GABBR2: variants seen among roughly 807,000 people sequenced by gnomAD.
GABBR2 encodes G-protein coupled receptor 51.
In GABBR2, 23 loss-of-function variants were observed where a neutral mutation model predicts 105.6. That is an observed-to-expected ratio of 0.22 (90% CI 0.16 to 0.31). The LOEUF is 0.31. GABBR2 is among the 10% of genes least tolerant of loss of function. The pLI, the probability that GABBR2 is intolerant of heterozygous loss-of-function variation, is 1.00. For synonymous variants in GABBR2, 478 were observed against 499.7 expected (o/e 0.96, Z 0.58); for missense variants, 734 against 1,245.5 (o/e 0.59, Z 6.18).
chr9:98,411,559 A>ATTTTTT (rs11435821), intron 7 of GABBR2, among the ~76,000 whole-genome samples: 1 of 149,638 alleles, frequency 6.7e-6, no homozygotes, highest in Non-Finnish European at 1.5e-5. Context: ...GTAAAATCCC[A>ATTTTTT]TTTTTTTTTT....
At chr9:98,390,377 A>C (rs1171666118) in intron 9 of GABBR2, among the ~76,000 whole-genome samples, 2 of 114,420 alleles carry the variant, frequency 1.7e-5, no homozygotes, top group African/African-American at 3.6e-5. Context: ...CCATCTCACA[A>C]AAAAAAAAAA....
chr9:98,499,937 C>T (rs529886292), intron 3 of GABBR2, among the ~76,000 whole-genome samples: 1 of 152,210 alleles, frequency 6.6e-6, no homozygotes, highest in Non-Finnish European at 1.5e-5. Flanking sequence ...CCTGTAATCC[C>T]AGCTACTTGG....
intron 2 of GABBR2, among the ~76,000 whole-genome samples, chr9:98,571,574 A>G (rs1828830725): frequency 6.6e-6 from 1 of 152,120 alleles, no homozygotes; most frequent in South Asian, 2.1e-4. Context: ...GATCTGATAA[A>G]TCCCCTAACC....
At chr9:98,498,195 CAGAG>C (rs1341841925) in intron 3 of GABBR2, among the ~76,000 whole-genome samples, 1 of 135,832 alleles carries the variant, frequency 7.4e-6, no homozygotes, top group Admixed American at 8.8e-5. Context: ...TTTATAGAGA[CAGAG>C]AGTAGAATGG....
Position 98,303,409 on chromosome 9 carries a change from T to G in GABBR2, c.2244A>C (p.Arg748Ser), listed in dbSNP as rs754393016. The G allele has an allele frequency of 6.2e-7, 1 of 1,614,150 alleles. No individual in the cohort carries two copies. Among genetic ancestry groups the G allele is most frequent in the Non-Finnish European group, 8.5e-7 (1 of 1,179,974 alleles). Residue 748 changes from arginine (R) to serine (S), a missense_variant, in exon 16 of 19, where the codon AGA (arginine) becomes AGC (serine). Transcript: ENST00000259455. Reference sequence around the variant, plus strand: ...TCTGCGTTGCTGCATCTGGGTTTGTTCTCAGGGTGATGAGCTGAAAGGACA... The same window carrying G: ...TCTGCGTTGCTGCATCTGGGTTTGTGCTCAGGGTGATGAGCTGAAAGGACA... ...LVFVPKLITL[R>S]TNPDAATQNR... is the part of the protein sequence containing the mutation.
rs550677987 is a variant in GABBR2 at position 98,680,279 on chromosome 9, T to G, written c.321+28138A>C. The stretch of plus-strand genomic sequence containing the variant: ...GTTCACCAAATTCCAACCAAAATAC[T>G]AATTCTATTATTATCATTTTATTTA... On this transcript the variant is annotated intron_variant, in intron 1 of 18. Transcript: ENST00000259455. Among the ~76,000 whole-genome samples, 468 of 152,238 alleles carry G rather than the reference T, an allele frequency of 3.1e-3. 1 individual carries two copies. The highest frequency in any genetic ancestry group is 5.6e-3 in the Non-Finnish European group (380 of 68,014).
chr9:98,360,032 C>T (rs642771), intron 13 of GABBR2, among the ~76,000 whole-genome samples: 132,243 of 152,194 alleles, frequency 0.87, 57,880 homozygotes, highest in African/African-American at 0.96. Flanking sequence ...GGCTAGGACG[C>T]GTACCATATT....
intron 13 of GABBR2, among the ~76,000 whole-genome samples, chr9:98,337,266 A>C (rs4743207): frequency 6.6e-6 from 1 of 151,824 alleles, no homozygotes. Flanking sequence ...GATTGCACCA[A>C]TGCACTCCCG....
At chr9:98,427,374 A>C (rs1825716090) in intron 7 of GABBR2, among the ~76,000 whole-genome samples, 1 of 152,172 alleles carries the variant, frequency 6.6e-6, no homozygotes, top group Non-Finnish European at 1.5e-5. Flanking sequence ...TTCAAGAGTC[A>C]CAGTTTCTTA....
At chr9:98,506,374 T>C (rs988546192) in intron 3 of GABBR2, among the ~76,000 whole-genome samples, 1 of 152,208 alleles carries the variant, frequency 6.6e-6, no homozygotes, top group Admixed American at 6.5e-5. Flanking sequence ...GTGCTCAGAA[T>C]TGTGGTGAAT....
At chr9:98,412,277 T>A (rs1832604619) in intron 7 of GABBR2, among the ~76,000 whole-genome samples, 1 of 152,218 alleles carries the variant, frequency 6.6e-6, no homozygotes, top group Non-Finnish European at 1.5e-5. Flanking sequence ...AGCCTAATAT[T>A]CTGGAGCCCT....
At chr9:98,656,582 C>A (rs572331227) in intron 1 of GABBR2, among the ~76,000 whole-genome samples, 1 of 152,310 alleles carries the variant, frequency 6.6e-6, no homozygotes, top group Non-Finnish European at 1.5e-5. Context: ...CATTATAACA[C>A]CCAAATTATT....
intron 11 of GABBR2, among the ~76,000 whole-genome samples, chr9:98,372,385 C>T (rs1263977549): frequency 6.6e-6 from 1 of 152,230 alleles, no homozygotes; most frequent in Admixed American, 6.5e-5. Context: ...GGGCTGTGCA[C>T]CACTGAGTTC....
intron 3 of GABBR2, among the ~76,000 whole-genome samples, chr9:98,537,745 A>C (rs1164282976): frequency 6.6e-6 from 1 of 152,202 alleles, no homozygotes; most frequent in African/African-American, 2.4e-5. Context: ...CCAACATAAA[A>C]AATTTATAAA....
chr9:98,456,376 C>T (rs941646293), intron 6 of GABBR2, among the ~76,000 whole-genome samples: 1 of 152,166 alleles, frequency 6.6e-6, no homozygotes, highest in African/African-American at 2.4e-5. Context: ...CCTTGACCCA[C>T]CCGTTGTAAA....
chr9:98,562,708 G>A (rs532586992), intron 2 of GABBR2, among the ~76,000 whole-genome samples: 1 of 152,268 alleles, frequency 6.6e-6, no homozygotes, highest in South Asian at 2.1e-4. Flanking sequence ...ACTTCTTGTT[G>A]CAGGTTAAAG....
chr9:98,576,805 A>T (rs1215397844), intron 2 of GABBR2, among the ~76,000 whole-genome samples: 1 of 152,206 alleles, frequency 6.6e-6, no homozygotes, highest in African/African-American at 2.4e-5. Context: ...CTAGAATGTA[A>T]GCTCCAGAAT....
chr9:98,481,836 G>T (rs1473243195), intron 4 of GABBR2, among the ~76,000 whole-genome samples: 2 of 152,204 alleles, frequency 1.3e-5, no homozygotes, highest in African/African-American at 2.4e-5. Context: ...CATTATCTCA[G>T]TGTGGTTAAT....
At chr9:98,632,159 C>A (rs2131829322) in intron 1 of GABBR2, among the ~76,000 whole-genome samples, 1 of 152,204 alleles carries the variant, frequency 6.6e-6, no homozygotes, top group South Asian at 2.1e-4. Context: ...CCTTGTCTTC[C>A]CCAGGACCCT....
Sources: gnomAD v4.1 joint callset for allele counts (sites outside exome capture counted in the v4.1 genomes callset) on GRCh38, gnomAD v4.1.1 for gene constraint, MANE v1.5 for transcripts, NCBI Gene and HGNC (gene_info 2026-07-23, HGNC 2026-07-21) for gene names.